GRM7: variants seen among roughly 807,000 people sequenced by gnomAD.
GRM7 encodes the protein metabotropic glutamate receptor 7.
Under a neutral mutation model 84.5 loss-of-function variants are expected in GRM7, and 35 were observed. The ratio of observed to expected loss-of-function variants is 0.41; its 90% CI spans 0.32 to 0.55. The LOEUF (loss-of-function observed/expected upper bound fraction) is 0.55, where lower values mean the gene tolerates loss of function less well. Ranked by LOEUF, GRM7 falls within the 20% of genes least tolerant of loss-of-function variation. The pLI is 0.19. For synonymous variants in GRM7, 487 were observed against 455.1 expected, an observed-to-expected ratio of 1.07 and a Z score of -0.89; for missense variants, 1,003 against 1,194.6, an observed-to-expected ratio of 0.84 and a Z score of 2.36.
chr3:7,183,500 G>GC (rs1483194471), intron 2 of GRM7, among the ~76,000 whole-genome samples: 8 of 152,206 alleles, frequency 5.3e-5, no homozygotes, highest in Non-Finnish European at 1.0e-4. Context: ...GGTGGTGCAT[G>GC]CCTGTAGTCC....
intron 4 of GRM7, among the ~76,000 whole-genome samples, chr3:7,351,352 A>T (rs1693134890): frequency 6.6e-6 from 1 of 150,608 alleles, no homozygotes; most frequent in Non-Finnish European, 1.5e-5. Flanking sequence ...AAAAAAAAAA[A>T]AAAAAAAAAA....
chr3:6,941,301 G>GT (rs1158375542), intron 1 of GRM7, among the ~76,000 whole-genome samples: 1 of 152,068 alleles, frequency 6.6e-6, no homozygotes, highest in African/African-American at 2.4e-5. Context: ...AATGGCAAAC[G>GT]TCTCTATTTT....
At chr3:7,536,205 A>G (rs1448992463) in intron 7 of GRM7, among the ~76,000 whole-genome samples, 2 of 152,166 alleles carry the variant, frequency 1.3e-5, no homozygotes, top group African/African-American at 4.8e-5. Context: ...GTTTCCGAAT[A>G]AGTTTGAGAT....
intron 9 of GRM7, among the ~76,000 whole-genome samples, chr3:7,727,980 A>C (rs1208374273): frequency 6.6e-6 from 1 of 152,072 alleles, no homozygotes; most frequent in Non-Finnish European, 1.5e-5. Flanking sequence ...AAAAATAGTT[A>C]AGTTTCCCTT....
intron 1 of GRM7, among the ~76,000 whole-genome samples, chr3:7,109,742 C>T (rs924953291): frequency 6.6e-6 from 1 of 152,052 alleles, no homozygotes; most frequent in African/African-American, 2.4e-5. Context: ...AAGAACATTT[C>T]CATCTGTATA....
intron 2 of GRM7, among the ~76,000 whole-genome samples, chr3:7,267,663 G>A (rs55821323): frequency 0.016 from 2,367 of 152,260 alleles, 57 homozygotes; most frequent in African/African-American, 0.054. Flanking sequence ...ATAAAGTCTC[G>A]AATCCATCTT....
chr3:7,496,318 C>T (rs1468416364), intron 7 of GRM7, among the ~76,000 whole-genome samples: 1 of 152,128 alleles, frequency 6.6e-6, no homozygotes, highest in African/African-American at 2.4e-5. Context: ...ACATGATATG[C>T]TGAGAATACC....
Position 6,863,063 on chromosome 3 carries a change from C to G in GRM7, c.519+1156C>G, listed in dbSNP as rs1694816763. 4.4e-6 allele frequency: 2 copies of G among 452,340 alleles called. No homozygotes were observed. The highest frequency in any genetic ancestry group is 4.8e-5 in the Admixed American group (2 of 41,944). 28.0% of individuals were successfully genotyped at this position (452,340 alleles called of 1,614,324 possible). The stretch of plus-strand genomic sequence containing the variant: ...TTCAGGGTCTCTGTGATTGTAGGTT[C>G]CCTCCTCTGTGTCTTTCCCTATATG... On this transcript the variant is annotated intron_variant, in intron 1 of 9. Transcript: ENST00000357716. This position sits in a 1 kb window ranked among gnomAD's most constrained non-coding sequence, Gnocchi z 4.8.
intron 5 of GRM7, among the ~76,000 whole-genome samples, chr3:7,439,787 T>C (rs1157119144): frequency 6.6e-6 from 1 of 152,150 alleles, no homozygotes; most frequent in Non-Finnish European, 1.5e-5. Flanking sequence ...CTCCAGGTTT[T>C]AGTTAAGGAA....
Position 6,916,517 on chromosome 3 carries a change from T to C in GRM7, c.519+54610T>C, listed in dbSNP as rs1371311889. Among the ~76,000 whole-genome samples, 4 of 152,158 alleles carry C rather than the reference T, an allele frequency of 2.6e-5. No individual in the cohort carries two copies. The East Asian group carries it at 7.7e-4, about 29-fold the overall frequency. On this transcript the variant is annotated intron_variant, in intron 1 of 9. Transcript: ENST00000357716. The stretch of plus-strand genomic sequence containing the variant: ...AACAGAAATTCATTTCTTAGAGTTC[T>C]AGAGGCTGGGAAGTCCACAATCAAG...
intron 4 of GRM7, among the ~76,000 whole-genome samples, chr3:7,365,089 A>G (rs956012565): frequency 5.9e-5 from 9 of 152,006 alleles, no homozygotes; most frequent in African/African-American, 1.4e-4. Context: ...AATACCTTTC[A>G]GGATACTTTC....
intron 1 of GRM7, among the ~76,000 whole-genome samples, chr3:7,059,818 A>G (rs989731495): frequency 2.6e-5 from 4 of 151,808 alleles, no homozygotes; most frequent in Non-Finnish European, 4.4e-5. Context: ...GATGTCTTCT[A>G]AGAACCAAAA....
chr3:7,016,945 C>T (rs1394983577), intron 1 of GRM7, among the ~76,000 whole-genome samples: 2 of 152,124 alleles, frequency 1.3e-5, no homozygotes, highest in African/African-American at 4.8e-5. Context: ...TTGTTTGGGG[C>T]TGGTAGCATG....
chr3:7,243,068 TAGA>T (rs1575073007), intron 2 of GRM7, among the ~76,000 whole-genome samples: 1 of 152,272 alleles, frequency 6.6e-6, no homozygotes, highest in Admixed American at 6.5e-5. Context: ...ATGGCAAAGA[TAGA>T]AGGTGATGAT....
At chr3:6,945,819 G>A (rs150626010) in intron 1 of GRM7, among the ~76,000 whole-genome samples, 38,871 of 151,926 alleles carry the variant, frequency 0.26, 5,258 homozygotes, top group African/African-American at 0.32. Context: ...GCCAGTGATG[G>A]TGAGCATTTT....
chr3:6,891,361 T>C (rs1482531525), intron 1 of GRM7, among the ~76,000 whole-genome samples: 1 of 152,244 alleles, frequency 6.6e-6, no homozygotes, highest in Non-Finnish European at 1.5e-5. Flanking sequence ...GATTTTGCAG[T>C]GGCTGGTACC....
intron 4 of GRM7, among the ~76,000 whole-genome samples, chr3:7,394,260 AC>A (rs1390440258): frequency 2.0e-5 from 3 of 152,108 alleles, no homozygotes; most frequent in Non-Finnish European, 2.9e-5. Flanking sequence ...CTATAAATCC[AC>A]CTACTCAGAT....
chr3:7,315,774 T>G (rs2125046893), intron 4 of GRM7, among the ~76,000 whole-genome samples: 1 of 152,256 alleles, frequency 6.6e-6, no homozygotes, highest in East Asian at 1.9e-4. Flanking sequence ...TGATTTAATG[T>G]TCACTTGGTT....
At chr3:7,064,442 C>T (rs1053338681) in intron 1 of GRM7, among the ~76,000 whole-genome samples, 7 of 113,204 alleles carry the variant, frequency 6.2e-5, no homozygotes, top group Non-Finnish European at 1.1e-4. Flanking sequence ...AATAGTATTC[C>T]CTCATGTATG....
Sources: gnomAD v4.1 joint callset for allele counts (sites outside exome capture counted in the v4.1 genomes callset) on GRCh38, gnomAD v4.1.1 for gene constraint, Gnocchi (gnomAD v3.1) non-coding constraint, MANE v1.5 for transcripts, NCBI Gene and HGNC (gene_info 2026-07-23, HGNC 2026-07-21) for gene names.